TMEM41B: variants seen among roughly 807,000 people sequenced by gnomAD.
TMEM41B encodes transmembrane protein 41B.
Under a neutral mutation model 31.9 loss-of-function variants are expected in TMEM41B, and 18 were observed. That is an observed-to-expected ratio of 0.56 (90% CI 0.39 to 0.84). TMEM41B has a LOEUF of 0.84. Ranked by LOEUF, TMEM41B falls within the 40% of genes least tolerant of loss-of-function variation. TMEM41B has a pLI of 0.00. For missense variants in TMEM41B, 322 were observed against 348.0 expected, an observed-to-expected ratio of 0.93 and a Z score of 0.59; for synonymous variants, 144 against 124.3, an observed-to-expected ratio of 1.16 and a Z score of -1.05.
intron 2 of TMEM41B, 78 bp downstream of exon 2, chr11:9,299,506 A>G: frequency 1.0e-6 from 1 of 971,640 alleles, no homozygotes; most frequent in Non-Finnish European, 1.6e-6. Flanking sequence ...TACAGGCATC[A>G]GCTACTGCAC....
At chr11:9,286,346 A>C in intron 6 of TMEM41B, 109 bp downstream of exon 6, 1 of 1,146,154 alleles carries the variant, frequency 8.7e-7, no homozygotes, top group African/African-American at 1.6e-5. Flanking sequence ...CAAGAATTCT[A>C]GATGGTGCTG....
chr11:9,297,609 T>C (rs974231390), intron 2 of TMEM41B, among the ~76,000 whole-genome samples: 3 of 152,048 alleles, frequency 2.0e-5, no homozygotes, highest in African/African-American at 7.2e-5. Flanking sequence ...GGAGAATCGC[T>C]TGAACTGGGA....
intron 1 of TMEM41B, among the ~76,000 whole-genome samples, chr11:9,310,793 A>G (rs1257634500): frequency 1.3e-5 from 2 of 151,892 alleles, no homozygotes; most frequent in Non-Finnish European, 2.9e-5. Context: ...GTCAAAGCTC[A>G]TCGACCAAAC....
At chr11:9,297,236 C>G (rs1041207189) in intron 2 of TMEM41B, among the ~76,000 whole-genome samples, 2 of 152,186 alleles carry the variant, frequency 1.3e-5, no homozygotes, top group Admixed American at 1.3e-4. Flanking sequence ...GGGCGCCCGC[C>G]ACCACGCCCA....
At chr11:9,304,776 A>G (rs528099994) in intron 1 of TMEM41B, among the ~76,000 whole-genome samples, 1 of 151,884 alleles carries the variant, frequency 6.6e-6, no homozygotes, top group African/African-American at 2.4e-5. Context: ...TCCTGCCTCA[A>G]TCTCCCAAGT....
At chr11:9,293,227 C>G (rs1009003168) in intron 3 of TMEM41B, among the ~76,000 whole-genome samples, 2 of 152,000 alleles carry the variant, frequency 1.3e-5, no homozygotes, top group African/African-American at 4.8e-5. Flanking sequence ...CTCAGCCTCC[C>G]AAGTAGCTAG....
intron 1 of TMEM41B, chr11:9,311,558 GGGA>G: frequency 1.7e-6 from 2 of 1,200,518 alleles, no homozygotes; most frequent in Non-Finnish European, 2.4e-6. Flanking sequence ...GAGCTCCTGG[GGGA>G]GGAGGACAGG....
chr11:9,283,543 G>C lies in TMEM41B; in HGVS notation c.757C>G (p.Gln253Glu). 1 of 1,613,292 alleles carries C rather than the reference G, an allele frequency of 6.2e-7. No individual in the cohort carries two copies. The highest frequency in any genetic ancestry group is 8.5e-7 in the Non-Finnish European group (1 of 1,179,746). The change falls in exon 7 of 7, where the codon CAA (glutamine) becomes GAA (glutamate). Residue 253 changes from glutamine (Q) to glutamate (E), a missense_variant. Physicochemically the swap from Gln to Glu is conservative, Grantham distance 29. Coordinates refer to ENST00000528080, the MANE Select transcript of TMEM41B (RefSeq NM_015012.4). ...ACAGCTTCTCCTGCTGTTGTAAGTT[G>C]ATACAGTGTTGTTCCTGCCTTAATG... ...VAIKAGTTLY[Q>E]LTTAGEAVSW...
chr11:9,306,780 ATTC>A (rs1354889399), intron 1 of TMEM41B, among the ~76,000 whole-genome samples: 1 of 152,216 alleles, frequency 6.6e-6, no homozygotes, highest in Non-Finnish European at 1.5e-5. Context: ...GCAAACAGTA[ATTC>A]TTTTATAGCA....
At chr11:9,313,033 G>A (rs1221130648) in intron 1 of TMEM41B, among the ~76,000 whole-genome samples, 1 of 151,964 alleles carries the variant, frequency 6.6e-6, no homozygotes, top group Non-Finnish European at 1.5e-5. Flanking sequence ...TAAAAATCAT[G>A]AATACAACTG....
chr11:9,284,998 T>C (rs568151390), intron 6 of TMEM41B, among the ~76,000 whole-genome samples: 16 of 152,148 alleles, frequency 1.1e-4, no homozygotes, highest in African/African-American at 3.6e-4. Flanking sequence ...TTAGATTCCA[T>C]GGATATGACA....
chr11:9,296,749 A>G (rs1465313386), intron 2 of TMEM41B, among the ~76,000 whole-genome samples: 1 of 152,196 alleles, frequency 6.6e-6, no homozygotes, highest in Non-Finnish European at 1.5e-5. Context: ...TAACAAATTC[A>G]CAGTTCAAAC....
chr11:9,311,392 C>T (rs1023733216), intron 1 of TMEM41B: 56 of 1,448,790 alleles, frequency 3.9e-5, no homozygotes, highest in Middle Eastern at 2.5e-4. Context: ...ACTGCTGGTC[C>T]AACCATGCCA....
At chr11:9,298,887 G>A (rs1177898437) in intron 2 of TMEM41B, among the ~76,000 whole-genome samples, 1 of 152,142 alleles carries the variant, frequency 6.6e-6, no homozygotes, top group Non-Finnish European at 1.5e-5. Flanking sequence ...GGCCCTGGTT[G>A]AAAGTCTAAC....
At chr11:9,309,844 C>G (rs2069433702) in intron 1 of TMEM41B, among the ~76,000 whole-genome samples, 1 of 149,900 alleles carries the variant, frequency 6.7e-6, no homozygotes, top group African/African-American at 2.4e-5. Context: ...ATGGCGTGAA[C>G]CCGGGAAGGG....
intron 1 of TMEM41B, among the ~76,000 whole-genome samples, chr11:9,309,852 G>A (rs1421331646): frequency 1.3e-5 from 2 of 150,404 alleles, no homozygotes; most frequent in Non-Finnish European, 3.0e-5. Flanking sequence ...AACCCGGGAA[G>A]GGGAGGTTGC....
chr11:9,283,660 T>A, intron 6 of TMEM41B, 67 bp from the exon 7 acceptor site: 1 of 1,397,434 alleles, frequency 7.2e-7, no homozygotes, highest in Non-Finnish European at 9.7e-7. Context: ...TAAAATGTTC[T>A]GTGTGCATAA....
intron 1 of TMEM41B, chr11:9,311,550 G>C (rs1853562625): frequency 8.2e-7 from 1 of 1,223,560 alleles, no homozygotes; most frequent in African/African-American, 1.5e-5. Context: ...GCCTTGCGGA[G>C]CTCCTGGGGG....
chr11:9,306,563 G>A (rs1480237793), intron 1 of TMEM41B, among the ~76,000 whole-genome samples: 1 of 152,012 alleles, frequency 6.6e-6, no homozygotes, highest in Non-Finnish European at 1.5e-5. Flanking sequence ...GCGGGCGCCT[G>A]TAGTCCCAGC....
Sources: gnomAD v4.1 joint callset for allele counts (sites outside exome capture counted in the v4.1 genomes callset) on GRCh38, gnomAD v4.1.1 for gene constraint, MANE v1.5 for transcripts, NCBI Gene and HGNC (gene_info 2026-07-23, HGNC 2026-07-21) for gene names.